Variants in CNTNAP4 observed in about 807,000 individuals in gnomAD.
CNTNAP4 encodes contactin associated protein family member 4.
CNTNAP4 carries 98 observed loss-of-function variants against 148.4 expected under a neutral mutation model. The ratio of observed to expected loss-of-function variants is 0.66; its 90% CI spans 0.56 to 0.78. CNTNAP4 has a LOEUF of 0.78. Ranked by LOEUF, CNTNAP4 falls within the 30% of genes least tolerant of loss-of-function variation. The pLI, the probability that CNTNAP4 is intolerant of heterozygous loss-of-function variation, is 0.00. For missense variants in CNTNAP4, 1,935 were observed against 1,565.6 expected (o/e 1.24, Z -3.98); for synonymous variants, 730 against 565.1 (o/e 1.29, Z -4.14).
intron 8 of CNTNAP4, among the ~76,000 whole-genome samples, chr16:76,454,106 T>G (rs1349839116): frequency 7.2e-6 from 1 of 139,084 alleles, no homozygotes; most frequent in Non-Finnish European, 1.6e-5. Flanking sequence ...TCAGCCTATT[T>G]CTTTCTTTTT....
At chr16:76,460,106 T>A (rs1351669961) in intron 8 of CNTNAP4, among the ~76,000 whole-genome samples, 1 of 152,160 alleles carries the variant, frequency 6.6e-6, no homozygotes, top group Non-Finnish European at 1.5e-5. Context: ...TTGTTTTTTT[T>A]GTTTGTTTGT....
At chr16:76,501,524 G>A (rs1027712827) in intron 15 of CNTNAP4, among the ~76,000 whole-genome samples, 4 of 152,146 alleles carry the variant, frequency 2.6e-5, no homozygotes, top group African/African-American at 9.7e-5. Context: ...CTCCATCCAA[G>A]GCAATCTTGC....
In CNTNAP4 at chr16:76,540,096, A is replaced by T. The variant is rs560245420; in HGVS notation, c.3354+244A>T. The stretch of plus-strand genomic sequence containing the variant: ...CTTGTTTCTGCTCAGAAGGAAAATG[A>T]TGTCATAGTGTGCTACTGGTAGGAC... On this transcript the variant is annotated intron_variant, in intron 20 of 23. Transcript: ENST00000611870. Among the ~76,000 whole-genome samples, 113 of 152,232 alleles carry T rather than the reference A, an allele frequency of 7.4e-4. 2 individuals are homozygous for T. The South Asian group carries it at 0.021, about 28-fold the overall frequency.
Position 76,540,736 on chromosome 16 carries a change from T to C in CNTNAP4, c.3388T>C (p.Ser1130Pro). 6.3e-7 allele frequency: 1 copy of C among 1,577,332 alleles called. No homozygotes were observed. Among genetic ancestry groups the C allele is most frequent in the Non-Finnish European group, 8.6e-7 (1 of 1,159,630 alleles). The change falls in exon 21 of 24, where the codon TCA becomes CCA. Residue 1130 changes from serine (S) to proline (P), a missense_variant. Physicochemically the swap from Ser to Pro is moderately conservative, Grantham distance 74. Coordinates refer to ENST00000611870, the MANE Select transcript of CNTNAP4 (RefSeq NM_033401.5). ...TAATAGAAGGAGACAAGTTCACCTG[T>C]CATCAGGCACAGAATTCAGTGCAGT... ...DDNRRRQVHL[S>P]SGTEFSAVKS...
At position 76,462,004 on chromosome 16, in the gene CNTNAP4, A is replaced by G. The variant is rs2080986304; in HGVS notation, c.1382A>G (p.Lys461Arg). The change falls in exon 9 of 24, where the codon AAA becomes AGA. Residue 461 changes from lysine to arginine, a missense_variant. Physicochemically the swap from Lys to Arg is conservative, Grantham distance 26. Transcript: ENST00000611870. ...GQWHSVSLSA[K>R]KNHLSVAVDG... ...TGGCATTCTGTCTCTTTATCTGCTA[A>G]AAAGAATCACTTGAGTGTGGCGGTG... The G allele has an allele frequency of 2.5e-6, 4 of 1,613,840 alleles. No homozygotes were observed. In the East Asian group the frequency reaches 8.9e-5, roughly 36 times the overall value.
At chr16:76,462,732 G>C (rs1035389601) in intron 9 of CNTNAP4, among the ~76,000 whole-genome samples, 3 of 152,148 alleles carry the variant, frequency 2.0e-5, no homozygotes, top group African/African-American at 4.8e-5. Context: ...AAATGGAAAT[G>C]AATTTTTTAT....
intron 9 of CNTNAP4, among the ~76,000 whole-genome samples, chr16:76,462,403 T>C (rs777099685): frequency 2.6e-5 from 4 of 152,332 alleles, no homozygotes; most frequent in Admixed American, 1.3e-4. Context: ...ATGATCCTTA[T>C]ATGTCTTCTT....
At chr16:76,477,444 A>C (rs1222420671) in intron 11 of CNTNAP4, among the ~76,000 whole-genome samples, 1 of 152,118 alleles carries the variant, frequency 6.6e-6, no homozygotes, top group Admixed American at 6.5e-5. Flanking sequence ...CCCTTGGTCT[A>C]TTACACTATA....
rs773373872 is a variant in CNTNAP4, at chr16:76,355,442, C to G, written c.321C>G (p.Thr107=). The part of the protein sequence containing the change: ...QGGYGSSNWV[T]SYLLMFSDSG... Reference sequence around the variant, plus strand: ...GATATGGTAGCTCCAACTGGGTGACCAGCTACCTCCTGATGTTCAGTGATA... The same window carrying G: ...GATATGGTAGCTCCAACTGGGTGACGAGCTACCTCCTGATGTTCAGTGATA... Residue 107 remains threonine, a synonymous_variant, in exon 3 of 24, where the codon ACC becomes ACG. Coordinates refer to ENST00000611870, the MANE Select transcript of CNTNAP4 (RefSeq NM_033401.5). The G allele has an allele frequency of 5.6e-6, 9 of 1,613,210 alleles. No homozygotes were observed. The highest frequency in any genetic ancestry group is 3.3e-5 in the Admixed American group (2 of 59,924).
intron 3 of CNTNAP4, among the ~76,000 whole-genome samples, chr16:76,423,736 T>A (rs2079275018): frequency 6.6e-6 from 1 of 152,194 alleles, no homozygotes; most frequent in Admixed American, 6.5e-5. Context: ...TGGTTATGTA[T>A]GAAAAAATTT....
At chr16:76,455,896 G>A (rs1020597239) in intron 8 of CNTNAP4, among the ~76,000 whole-genome samples, 2 of 152,122 alleles carry the variant, frequency 1.3e-5, no homozygotes, top group African/African-American at 2.4e-5. Context: ...ATGCAATTTA[G>A]GACTGGAACT....
intron 1 of CNTNAP4, among the ~76,000 whole-genome samples, chr16:76,313,735 C>T (rs1597157941): frequency 6.6e-6 from 1 of 152,198 alleles, no homozygotes. Flanking sequence ...GAAAGGCATT[C>T]AAGAACAAAT....
intron 4 of CNTNAP4, chr16:76,432,545 A>T (rs2079647081): frequency 6.6e-6 from 1 of 152,168 alleles, no homozygotes. Flanking sequence ...CTGGTGGGAG[A>T]AAGAAAGAAA....
intron 8 of CNTNAP4, among the ~76,000 whole-genome samples, chr16:76,458,588 G>A (rs1346400513): frequency 6.6e-6 from 1 of 152,048 alleles, no homozygotes; most frequent in South Asian, 2.1e-4. Flanking sequence ...CGCATGTGCA[G>A]TTCACAATAG....
At chr16:76,400,886 C>G (rs1438135612) in intron 3 of CNTNAP4, among the ~76,000 whole-genome samples, 3 of 152,018 alleles carry the variant, frequency 2.0e-5, no homozygotes, top group Non-Finnish European at 4.4e-5. Context: ...CTGTTCTGTT[C>G]CACTGGTCTA....
At chr16:76,511,452 T>C (rs901575229) in intron 15 of CNTNAP4, among the ~76,000 whole-genome samples, 2 of 152,232 alleles carry the variant, frequency 1.3e-5, no homozygotes, top group East Asian at 3.9e-4. Flanking sequence ...GAAAAAGATA[T>C]TGACTAGTGA....
intron 3 of CNTNAP4, among the ~76,000 whole-genome samples, chr16:76,370,289 G>GAAA (rs370717129): frequency 4.8e-5 from 7 of 147,042 alleles, no homozygotes; most frequent in African/African-American, 1.7e-4. Flanking sequence ...TATTCTGACA[G>GAAA]AAAAAAAAAA....
At chr16:76,454,360 C>T (rs2080640793) in intron 8 of CNTNAP4, among the ~76,000 whole-genome samples, 1 of 152,070 alleles carries the variant, frequency 6.6e-6, no homozygotes, top group African/African-American at 2.4e-5. Flanking sequence ...GCTTTACAAG[C>T]ATGTATAGTT....
At chr16:76,338,767 A>C (rs530912955) in intron 2 of CNTNAP4, among the ~76,000 whole-genome samples, 4 of 152,186 alleles carry the variant, frequency 2.6e-5, no homozygotes, top group African/African-American at 9.6e-5. Flanking sequence ...GTAACCTTTC[A>C]TAAGTGACTT....
Sources: allele counts gnomAD v4.1 joint callset (sites outside exome capture counted in the v4.1 genomes callset), GRCh38; gene constraint gnomAD v4.1.1; transcripts MANE v1.5; gene names NCBI Gene and HGNC (gene_info 2026-07-23, HGNC 2026-07-21).